Variants in RAB2A observed in about 807,000 individuals in gnomAD.
RAB2A encodes ras-related protein Rab-2A.
A neutral mutation model predicts 32.5 loss-of-function variants in RAB2A; 7 were observed. That is an observed-to-expected ratio of 0.22 (90% CI 0.12 to 0.40). The LOEUF is 0.40. Among genes scored for constraint, RAB2A ranks in the 10% least tolerant of loss-of-function variants. The pLI is 1.00. For missense variants in RAB2A, 108 were observed against 260.7 expected (o/e 0.41, Z 4.03); for synonymous variants, 79 against 85.2 (o/e 0.93, Z 0.40).
At chr8:60,560,856 T>C (rs902262975) in intron 2 of RAB2A, among the ~76,000 whole-genome samples, 2 of 152,146 alleles carry the variant, frequency 1.3e-5, no homozygotes, top group South Asian at 4.1e-4. Flanking sequence ...CAGACACCTC[T>C]GCCATAGGCT....
intron 5 of RAB2A, among the ~76,000 whole-genome samples, chr8:60,587,565 T>C (rs1430218380): frequency 6.6e-6 from 1 of 152,206 alleles, no homozygotes; most frequent in Non-Finnish European, 1.5e-5. Flanking sequence ...TACACTATTA[T>C]ACAACATCGT....
At chr8:60,584,941 T>C (rs555646166) in intron 5 of RAB2A, 126 bp downstream of exon 5, 5 of 558,780 alleles carry the variant, frequency 8.9e-6, no homozygotes, top group Non-Finnish European at 1.5e-5. Flanking sequence ...ATTTCGGAAA[T>C]TCTAAGGTGT....
rs547531732 is a variant in RAB2A at position 60,567,331 on chromosome 8, G to T, written c.119-4715G>T. Among the ~76,000 whole-genome samples the T allele has an allele frequency of 2.0e-5, 3 of 152,092 alleles. No individual in the cohort carries two copies. In the East Asian group the frequency reaches 5.8e-4, roughly 29 times the overall value. On this transcript the variant is annotated intron_variant, in intron 2 of 7. Transcript: ENST00000262646. The stretch of plus-strand genomic sequence containing the variant: ...GGGTTTTACCATGTTGACCAGGATG[G>T]TCTCGATCTCCTGACCTTGTGATCC...
chr8:60,571,138 G>A (rs1014704475), intron 2 of RAB2A, among the ~76,000 whole-genome samples: 7 of 152,282 alleles, frequency 4.6e-5, no homozygotes, highest in Admixed American at 4.6e-4. Context: ...GCTTTCCAAA[G>A]ATGATAAATA....
chr8:60,563,824 C>T (rs557950433), intron 2 of RAB2A, among the ~76,000 whole-genome samples: 1 of 152,180 alleles, frequency 6.6e-6, no homozygotes, highest in South Asian at 2.1e-4. Flanking sequence ...TGTGTTGCTA[C>T]TTTCCTCCTT....
At position 60,617,970 on chromosome 8, in the gene RAB2A, A is replaced by G. The variant is rs917425088; in HGVS notation, c.475-610A>G. Among the ~76,000 whole-genome samples the G allele has an allele frequency of 1.3e-5, 2 of 152,246 alleles. 1 individual carries two copies. Among genetic ancestry groups the G allele is most frequent in the South Asian group, 4.1e-4 (2 of 4,830 alleles). On this transcript the variant is annotated intron_variant, in intron 6 of 7. Transcript: ENST00000262646. ...AGACATTTCGTACAAATGGAGTTGT[A>G]GTATTGTGGCGTTTTGTGTCTGCCT...
rs184482583 is a variant in RAB2A at position 60,533,972 on chromosome 8, A to T, written c.46+16719A>T. Among the ~76,000 whole-genome samples the T allele has an allele frequency of 1.6e-4, 24 of 152,196 alleles. 1 individual carries two copies. Among genetic ancestry groups the T allele is most frequent in the Admixed American group, 3.9e-4 (6 of 15,300 alleles). ...AGCAAGACTCTGTCTCAAAAACAAA[A>T]CAAAACAATAGCAACAACAACAACA... On this transcript the variant is annotated intron_variant, in intron 1 of 7. Transcript: ENST00000262646.
At position 60,610,055 on chromosome 8, in the gene RAB2A, GA is replaced by G. The variant is rs1804312117; in HGVS notation, c.475-8521del. Among the ~76,000 whole-genome samples the G allele has an allele frequency of 2.0e-5, 3 of 151,202 alleles. No individual in the cohort carries two copies. The South Asian group carries it at 6.2e-4, about 31-fold the overall frequency. On this transcript the variant is annotated intron_variant, in intron 6 of 7. Coordinates refer to ENST00000262646, the MANE Select transcript of RAB2A (RefSeq NM_002865.3). ...TAGCTGCCTGGAATCTTTGTGGTTTGAAAAGGCCTTTTTAGGTGGAGAGATG... is the reference window on the plus strand; with the variant it reads ...TAGCTGCCTGGAATCTTTGTGGTTTGAAAGGCCTTTTTAGGTGGAGAGATG...
Position 60,569,293 on chromosome 8 carries a change from C to CTGTT in RAB2A, c.119-2731_119-2728dup, listed in dbSNP as rs369449211. The stretch of plus-strand genomic sequence containing the variant: ...TAACTGGTCTCTTTGCTTCTTGTTT[C>CTGTT]TGTTTGTTTGTTTGTTTGTTTGTTT... On this transcript the variant is annotated intron_variant, in intron 2 of 7. Coordinates refer to ENST00000262646, the MANE Select transcript of RAB2A (RefSeq NM_002865.3). Among the ~76,000 whole-genome samples the CTGTT allele has an allele frequency of 8.0e-3, 1,211 of 151,866 alleles. 3 individuals are homozygous for CTGTT. Among genetic ancestry groups the CTGTT allele is most frequent in the African/African-American group, 0.016 (678 of 41,404 alleles).
intron 6 of RAB2A, among the ~76,000 whole-genome samples, chr8:60,606,017 C>T (rs1256855173): frequency 1.3e-5 from 2 of 151,952 alleles, no homozygotes; most frequent in East Asian, 3.9e-4. Flanking sequence ...GGCGTGGTGG[C>T]TTGCGCCTGT....
At chr8:60,572,978 T>TG (rs1334346214) in intron 3 of RAB2A, among the ~76,000 whole-genome samples, 1 of 152,244 alleles carries the variant, frequency 6.6e-6, no homozygotes. Context: ...TAGTGATATC[T>TG]GTCTGCTTAA....
At chr8:60,616,235 T>C (rs1804445860) in intron 6 of RAB2A, among the ~76,000 whole-genome samples, 1 of 152,232 alleles carries the variant, frequency 6.6e-6, no homozygotes, top group African/African-American at 2.4e-5. Context: ...CATCACTTTC[T>C]TAAGCCTGTT....
chr8:60,522,942 C>T (rs1345447508), intron 1 of RAB2A, among the ~76,000 whole-genome samples: 1 of 151,958 alleles, frequency 6.6e-6, no homozygotes, highest in Non-Finnish European at 1.5e-5. Flanking sequence ...GCAAAACCTG[C>T]GGCCAGAAGT....
rs1356084598 is a variant in RAB2A, at chr8:60,622,052, C to T, written c.*1283C>T. The T allele has an allele frequency of 6.6e-6, 1 of 151,970 alleles. No homozygotes were observed. The highest frequency in any genetic ancestry group is 1.5e-5 in the Non-Finnish European group (1 of 68,002). The allele number at this position is 151,970 out of a possible 1,614,324, so 9.4% of individuals were successfully genotyped here. A position where few individuals can be genotyped will look rare whatever the true frequency, so the allele number is the denominator to read the frequency against. ...TCTTTTTTAATGTATTTTTAGTCCA[C>T]TTACAGCTTTTACATGGGTTTAAGC... On this transcript the variant is annotated 3_prime_UTR_variant, in exon 8 of 8. Transcript: ENST00000262646.
At chr8:60,566,163 T>A (rs1288695266) in intron 2 of RAB2A, among the ~76,000 whole-genome samples, 3 of 152,228 alleles carry the variant, frequency 2.0e-5, no homozygotes, top group African/African-American at 7.2e-5. Context: ...TGTGTGTTAG[T>A]GCCTTCTAAA....
At chr8:60,571,576 T>C (rs925334615) in intron 2 of RAB2A, among the ~76,000 whole-genome samples, 2 of 152,200 alleles carry the variant, frequency 1.3e-5, no homozygotes, top group Non-Finnish European at 2.9e-5. Flanking sequence ...ACATTGATTA[T>C]AGCTAGTGGC....
chr8:60,517,840 ACT>A, intron 1 of RAB2A, among the ~76,000 whole-genome samples: 1 of 152,146 alleles, frequency 6.6e-6, no homozygotes, highest in Non-Finnish European at 1.5e-5. Context: ...AACACCTTCA[ACT>A]CTCACGTCAG....
intron 3 of RAB2A, among the ~76,000 whole-genome samples, chr8:60,579,208 A>G (rs1444629953): frequency 6.6e-6 from 1 of 151,994 alleles, no homozygotes; most frequent in African/African-American, 2.4e-5. Flanking sequence ...ACACCTGGCT[A>G]ATTTTTGTAT....
At chr8:60,538,206 A>T (rs551892612) in intron 1 of RAB2A, among the ~76,000 whole-genome samples, 1 of 152,330 alleles carries the variant, frequency 6.6e-6, no homozygotes, top group Admixed American at 6.5e-5. Context: ...AATCATATCT[A>T]GCTTTGTATT....
Sources: gnomAD v4.1 joint callset for allele counts (sites outside exome capture counted in the v4.1 genomes callset) on GRCh38, gnomAD v4.1.1 for gene constraint, MANE v1.5 for transcripts, NCBI Gene and HGNC (gene_info 2026-07-23, HGNC 2026-07-21) for gene names.